ASB14: variants seen among roughly 807,000 people sequenced by gnomAD.
ASB14 encodes ankyrin repeat and SOCS box protein 14.
In ASB14, 63 loss-of-function variants were observed where a neutral mutation model predicts 55.6. That is an observed-to-expected ratio of 1.13 (90% CI 0.92 to 1.40). ASB14 has a LOEUF of 1.40. ASB14 is among the 40% of genes most tolerant of loss of function. ASB14 has a pLI of 0.00. For missense variants in ASB14, 724 were observed against 710.4 expected, an observed-to-expected ratio of 1.02 and a Z score of -0.22; for synonymous variants, 256 against 259.9, an observed-to-expected ratio of 0.98 and a Z score of 0.15.
chr3:57,278,985 ATTG>A (rs2061014452), intron 7 of ASB14, 65 bp from the exon 8 acceptor site: 1 of 1,485,946 alleles, frequency 6.7e-7, no homozygotes, highest in South Asian at 1.2e-5. Context: ...CTTGTTTATT[ATTG>A]TTTTATAGCA....
At position 57,280,578 on chromosome 3, in the gene ASB14, G is replaced by A. The variant is rs549865287; in HGVS notation, c.716-105C>T. The stretch of plus-strand genomic sequence containing the variant: ...TCACCAAAAAGCAATTAGTGAGCAC[G>A]CACTCTAGCAAAGCACCAAGAATCA... On this transcript the variant is annotated intron_variant, in intron 6 of 10. Transcript: ENST00000487349. The A allele has an allele frequency of 1.0e-3, 955 of 921,018 alleles. 2 individuals are homozygous for A. The highest frequency in any genetic ancestry group is 1.4e-3 in the Non-Finnish European group (879 of 625,108). 57.1% of individuals were successfully genotyped at this position (921,018 alleles called of 1,614,324 possible).
chr3:57,280,856 A>G (rs918318948), intron 6 of ASB14, among the ~76,000 whole-genome samples: 6 of 152,174 alleles, frequency 3.9e-5, no homozygotes, highest in Admixed American at 2.6e-4. Context: ...CTATAATACC[A>G]TGCCATCTAA....
chr3:57,292,053 A>T lies in ASB14; in HGVS notation c.-20T>A. On this transcript the variant is annotated 5_prime_UTR_variant, in exon 2 of 11. Coordinates refer to ENST00000487349, the MANE Select transcript of ASB14 (RefSeq NM_001142733.3). Reference sequence around the variant, plus strand: ...ATCCATGTGAAACGTGGACAGGTTTACTTTAAAGTCAGAGTGAATTAAAAG... The same window carrying T: ...ATCCATGTGAAACGTGGACAGGTTTTCTTTAAAGTCAGAGTGAATTAAAAG... 6.5e-7 allele frequency: 1 copy of T among 1,531,918 alleles called. No individual in the cohort carries two copies. The highest frequency in any genetic ancestry group is 8.7e-7 in the Non-Finnish European group (1 of 1,143,674). 94.9% of individuals were successfully genotyped at this position (1,531,918 alleles called of 1,614,324 possible). A position where few individuals can be genotyped will look rare whatever the true frequency, so the allele number is the denominator to read the frequency against.
chr3:57,277,094 C>T (rs899114257), intron 9 of ASB14, among the ~76,000 whole-genome samples: 7 of 152,072 alleles, frequency 4.6e-5, no homozygotes, highest in South Asian at 2.1e-4. Flanking sequence ...GGTGAAACCC[C>T]GTCTCTATTA....
intron 10 of ASB14, 121 bp downstream of exon 10, chr3:57,276,407 T>G: frequency 2.9e-6 from 2 of 695,480 alleles, no homozygotes; most frequent in Non-Finnish European, 4.6e-6. Context: ...TGCCTCAGCC[T>G]CCCAAGCAGA....
chr3:57,273,958 TATA>T (rs2060966602), intron 10 of ASB14, among the ~76,000 whole-genome samples: 1 of 152,218 alleles, frequency 6.6e-6, no homozygotes, highest in Non-Finnish European at 1.5e-5. Flanking sequence ...TTTAGAATTA[TATA>T]ATTTATCTGA....
At chr3:57,284,094 A>ATGTGTGTG (rs147304310) in intron 5 of ASB14, among the ~76,000 whole-genome samples, 4,333 of 136,484 alleles carry the variant, frequency 0.032, 114 homozygotes, top group South Asian at 0.066. Flanking sequence ...AACACTGTGT[A>ATGTGTGTG]TGTGTGTGTG....
chr3:57,291,813 CCCT>C (rs2061133563), intron 2 of ASB14, 96 bp downstream of exon 2: 5 of 1,038,048 alleles, frequency 4.8e-6, no homozygotes, highest in Non-Finnish European at 6.6e-6. Flanking sequence ...TGGATTCTGA[CCCT>C]CCTGTTTTTG....
At chr3:57,289,167 A>C in intron 2 of ASB14, 44 bp from the exon 3 acceptor site, 1 of 1,290,056 alleles carries the variant, frequency 7.8e-7, no homozygotes, top group Non-Finnish European at 1.1e-6. Context: ...ACTGAGGAGA[A>C]AAAACTGTTA....
intron 9 of ASB14, among the ~76,000 whole-genome samples, chr3:57,277,299 C>T (rs2060997978): frequency 6.6e-6 from 1 of 151,808 alleles, no homozygotes; most frequent in African/African-American, 2.4e-5. Flanking sequence ...TTTTAGCCCC[C>T]TCAGGGACAG....
intron 5 of ASB14, among the ~76,000 whole-genome samples, chr3:57,283,940 A>G (rs1321217450): frequency 6.6e-6 from 1 of 152,114 alleles, no homozygotes; most frequent in Non-Finnish European, 1.5e-5. Context: ...GCCATAGAAA[A>G]TGATAGTTTT....
At chr3:57,278,018 CAA>C in intron 8 of ASB14, 98 bp from the exon 9 acceptor site, 1 of 1,129,864 alleles carries the variant, frequency 8.9e-7, no homozygotes, top group Non-Finnish European at 1.2e-6. Context: ...TGATGAAAGC[CAA>C]GAGAGAAAAA....
chr3:57,269,405 CTTTT>C lies in ASB14; in HGVS notation c.*232_*235del. ...GTTGTATTGTTTGGGTGTAGCTTTT[CTTTT>C]TATCAAGTTGTCAGAAGTATGCATA... On this transcript the variant is annotated 3_prime_UTR_variant, in exon 11 of 11. Coordinates refer to ENST00000487349, the MANE Select transcript of ASB14 (RefSeq NM_001142733.3). 1.2e-6 allele frequency: 1 copy of C among 818,582 alleles called. No homozygotes were observed. Among genetic ancestry groups the C allele is most frequent in the Non-Finnish European group, 1.8e-6 (1 of 566,018 alleles). 50.7% of individuals were successfully genotyped at this position (818,582 alleles called of 1,614,324 possible).
intron 5 of ASB14, among the ~76,000 whole-genome samples, chr3:57,284,110 G>GTGTGTGTGTGTGTGTGTGTT (rs2061061639): frequency 6.6e-6 from 1 of 151,012 alleles, no homozygotes; most frequent in Non-Finnish European, 1.5e-5. Flanking sequence ...GTGTGTGTGT[G>GTGTGTGTGTGTGTGTGTGTT]TGTGTGTGTG....
chr3:57,275,940 T>C (rs1215466664), intron 10 of ASB14, among the ~76,000 whole-genome samples: 1 of 152,180 alleles, frequency 6.6e-6, no homozygotes, highest in Non-Finnish European at 1.5e-5. Context: ...ACTGAAACAT[T>C]GTATGATACG....
At chr3:57,290,018 A>C (rs2061116281) in intron 2 of ASB14, among the ~76,000 whole-genome samples, 1 of 152,200 alleles carries the variant, frequency 6.6e-6, no homozygotes, top group Non-Finnish European at 1.5e-5. Context: ...TGTCCTGTTT[A>C]CAATTTGGTC....
At chr3:57,292,138 A>G (rs2061137336) in intron 1 of ASB14, 34 bp from the exon 2 acceptor site, 2 of 1,205,968 alleles carry the variant, frequency 1.7e-6, no homozygotes, top group Non-Finnish European at 2.2e-6. Context: ...TCAGAAATCT[A>G]GAAAATTGGT....
intron 7 of ASB14, among the ~76,000 whole-genome samples, 153 bp downstream of exon 7, chr3:57,280,149 G>A (rs888766098): frequency 1.6e-5 from 2 of 123,484 alleles, no homozygotes; most frequent in African/African-American, 6.4e-5. Context: ...TGGCGACAGA[G>A]GGAGACAGCA....
intron 5 of ASB14, among the ~76,000 whole-genome samples, chr3:57,284,122 G>GTGTGTGTGTGTGTGTGTGTGTA (rs945228754): frequency 2.0e-5 from 3 of 150,708 alleles, no homozygotes; most frequent in Non-Finnish European, 4.4e-5. Flanking sequence ...GTGTGTGTGT[G>GTGTGTGTGTGTGTGTGTGTGTA]TGTATGTATG....
Sources: gnomAD v4.1 joint callset for allele counts (sites outside exome capture counted in the v4.1 genomes callset) on GRCh38, gnomAD v4.1.1 for gene constraint, MANE v1.5 for transcripts, NCBI Gene and HGNC (gene_info 2026-07-23, HGNC 2026-07-21) for gene names.